Variants in AK5 observed in about 807,000 individuals in gnomAD.
The protein encoded by AK5 is adenylate kinase isoenzyme 5.
A neutral mutation model predicts 69.5 loss-of-function variants in AK5; 27 were observed. The ratio of observed to expected loss-of-function variants is 0.39; its 90% CI spans 0.29 to 0.54. The LOEUF is 0.54. AK5 is among the 20% of genes least tolerant of loss of function. The pLI, the probability that AK5 is intolerant of heterozygous loss-of-function variation, is 0.71. For synonymous variants in AK5, 260 were observed against 244.4 expected (o/e 1.06, Z -0.60); for missense variants, 531 against 700.4 (o/e 0.76, Z 2.73).
At chr1:77,541,175 G>C (rs912422687) in intron 13 of AK5, among the ~76,000 whole-genome samples, 11 of 152,290 alleles carry the variant, frequency 7.2e-5, no homozygotes, top group Non-Finnish European at 1.5e-4. Flanking sequence ...CCAAGGTGCT[G>C]GGATTACAGG....
At chr1:77,557,718 T>TTAAG (rs750704807) in intron 13 of AK5, among the ~76,000 whole-genome samples, 9 of 152,184 alleles carry the variant, frequency 5.9e-5, no homozygotes, top group Non-Finnish European at 7.4e-5. Context: ...AAGTCTCATT[T>TTAAG]TAAGTAACTC....
intron 5 of AK5, among the ~76,000 whole-genome samples, chr1:77,315,492 A>G (rs1444565394): frequency 6.6e-6 from 1 of 152,132 alleles, no homozygotes. Context: ...TTTTAAGCAC[A>G]ATGTGATTTA....
At chr1:77,427,424 C>A (rs1042039793) in intron 8 of AK5, among the ~76,000 whole-genome samples, 1 of 151,984 alleles carries the variant, frequency 6.6e-6, no homozygotes. Context: ...AAGACACAGC[C>A]AAAACTCATA....
chr1:77,335,168 A>G (rs1189546545), intron 5 of AK5, among the ~76,000 whole-genome samples: 1 of 152,204 alleles, frequency 6.6e-6, no homozygotes, highest in African/African-American at 2.4e-5. Flanking sequence ...AGTCTGACAC[A>G]ATGAATATGT....
chr1:77,293,728 T>C, intron 2 of AK5, 65 bp from the exon 3 acceptor site: 1 of 1,375,330 alleles, frequency 7.3e-7, no homozygotes, highest in Non-Finnish European at 9.9e-7. Context: ...TACTAACTGT[T>C]TAAGTGTGAA....
intron 13 of AK5, among the ~76,000 whole-genome samples, chr1:77,540,321 A>G (rs902431550): frequency 1.3e-5 from 2 of 152,370 alleles, no homozygotes; most frequent in African/African-American, 2.4e-5. Flanking sequence ...TCTCCCTCTC[A>G]TAAAGCAGAG....
intron 8 of AK5, among the ~76,000 whole-genome samples, chr1:77,444,067 T>C (rs1652510381): frequency 6.6e-6 from 1 of 150,420 alleles, no homozygotes; most frequent in African/African-American, 2.4e-5. Context: ...ATTTGCTACT[T>C]TGTATCCTTT....
chr1:77,362,226 A>G (rs1040193078), intron 6 of AK5, among the ~76,000 whole-genome samples: 1 of 152,280 alleles, frequency 6.6e-6, no homozygotes, highest in South Asian at 2.1e-4. Context: ...CAATATTGAC[A>G]TTCTTATTTT....
At chr1:77,432,345 G>A (rs973167325) in intron 8 of AK5, among the ~76,000 whole-genome samples, 2 of 152,064 alleles carry the variant, frequency 1.3e-5, no homozygotes, top group African/African-American at 4.8e-5. Context: ...AACAAGGGAG[G>A]CTTGGAGGAA....
intron 9 of AK5, among the ~76,000 whole-genome samples, chr1:77,484,138 C>T (rs898664677): frequency 7.2e-5 from 10 of 139,456 alleles, no homozygotes; most frequent in Admixed American, 4.8e-4. Flanking sequence ...GCACTCTTGG[C>T]GACAGAGTGA....
chr1:77,440,764 T>C (rs1482420971), intron 8 of AK5, among the ~76,000 whole-genome samples: 5 of 152,086 alleles, frequency 3.3e-5, no homozygotes, highest in Non-Finnish European at 7.4e-5. Context: ...TGTTGTTTTG[T>C]TTTTTGAGAC....
At chr1:77,437,716 T>A (rs1020716148) in intron 8 of AK5, among the ~76,000 whole-genome samples, 1 of 152,194 alleles carries the variant, frequency 6.6e-6, no homozygotes, top group African/African-American at 2.4e-5. Context: ...TTTATCTTTT[T>A]ATTTGTTTGT....
chr1:77,499,287 C>T (rs1231564154), intron 10 of AK5, among the ~76,000 whole-genome samples: 2 of 152,186 alleles, frequency 1.3e-5, no homozygotes, highest in African/African-American at 4.8e-5. Flanking sequence ...CAAAAAAGGA[C>T]TCTTTCCTCT....
intron 6 of AK5, among the ~76,000 whole-genome samples, chr1:77,406,537 C>T (rs561667104): frequency 2.5e-4 from 35 of 140,268 alleles, no homozygotes; most frequent in Non-Finnish European, 5.2e-4. Flanking sequence ...TGTTTTTTCC[C>T]CCTTGCTTTT....
chr1:77,500,723 A>G (rs1257603012), intron 10 of AK5, among the ~76,000 whole-genome samples: 2 of 152,206 alleles, frequency 1.3e-5, no homozygotes, highest in African/African-American at 4.8e-5. Context: ...CAGAGGTTGC[A>G]GTGAGCCGAG....
At chr1:77,468,135 A>AG (rs909630597) in intron 8 of AK5, among the ~76,000 whole-genome samples, 1 of 152,162 alleles carries the variant, frequency 6.6e-6, no homozygotes, top group African/African-American at 2.4e-5. Flanking sequence ...TGAACTCTTG[A>AG]GGGGGTGGGA....
intron 6 of AK5, among the ~76,000 whole-genome samples, chr1:77,357,171 A>G (rs1662576217): frequency 6.6e-6 from 1 of 152,222 alleles, no homozygotes; most frequent in African/African-American, 2.4e-5. Context: ...ATATTCAAAT[A>G]AACCTTATGC....
chr1:77,403,692 G>T (rs898128900), intron 6 of AK5, among the ~76,000 whole-genome samples: 4 of 152,086 alleles, frequency 2.6e-5, no homozygotes, highest in Non-Finnish European at 4.4e-5. Flanking sequence ...CTGTTTTGGT[G>T]ACTGTAGCCT....
chr1:77,499,384 A>G (rs1467006410), intron 10 of AK5, among the ~76,000 whole-genome samples: 1 of 152,070 alleles, frequency 6.6e-6, no homozygotes, highest in African/African-American at 2.4e-5. Context: ...TGGGGCACTG[A>G]CTCTGAAGAT....
Sources: gnomAD v4.1 joint callset for allele counts (sites outside exome capture counted in the v4.1 genomes callset) on GRCh38, gnomAD v4.1.1 for gene constraint, MANE v1.5 for transcripts, NCBI Gene and HGNC (gene_info 2026-07-23, HGNC 2026-07-21) for gene names.